TENM4: variants seen among roughly 807,000 people sequenced by gnomAD.
TENM4 encodes teneurin transmembrane protein 4.
Under a neutral mutation model 243.3 loss-of-function variants are expected in TENM4, and 82 were observed. The observed-to-expected ratio is 0.34, with a 90% CI of 0.28 to 0.40. The LOEUF (loss-of-function observed/expected upper bound fraction) is 0.40. TENM4 is among the 10% of genes least tolerant of loss of function. The probability of loss-of-function intolerance (pLI) is 1.00; values close to 1 mark genes in which losing one functional copy is unlikely to be tolerated. For synonymous variants in TENM4, 1,412 were observed against 1,456.3 expected (o/e 0.97, Z 0.69); for missense variants, 3,138 against 3,673.3 (o/e 0.85, Z 3.77).
chr11:79,186,982 T>A (rs2135152734), intron 3 of TENM4, among the ~76,000 whole-genome samples: 1 of 152,314 alleles, frequency 6.6e-6, no homozygotes, highest in East Asian at 1.9e-4. Context: ...AAAGGTTTTG[T>A]TAAGAAACTC....
At chr11:78,751,206 T>C (rs1856184099) in intron 19 of TENM4, among the ~76,000 whole-genome samples, 1 of 152,198 alleles carries the variant, frequency 6.6e-6, no homozygotes, top group African/African-American at 2.4e-5. Context: ...CTCTGCTCTG[T>C]CCCTCGCTAA....
At chr11:79,356,258 C>A (rs1857495237) in intron 1 of TENM4, among the ~76,000 whole-genome samples, 1 of 152,220 alleles carries the variant, frequency 6.6e-6, no homozygotes, top group Admixed American at 6.5e-5. Flanking sequence ...AGCCCTGGAT[C>A]AAGTCCCCCC....
chr11:78,995,237 C>T (rs1858143237), intron 6 of TENM4, among the ~76,000 whole-genome samples: 1 of 152,158 alleles, frequency 6.6e-6, no homozygotes, highest in Admixed American at 6.5e-5. Flanking sequence ...CTGTAAGCAT[C>T]TCAGTGTGAT....
At chr11:79,069,535 A>G (rs1336689138) in intron 5 of TENM4, among the ~76,000 whole-genome samples, 187 bp downstream of exon 5, 3 of 152,276 alleles carry the variant, frequency 2.0e-5, no homozygotes, top group Middle Eastern at 3.4e-3. Context: ...CTAAGAATGA[A>G]CTACAGGGCA....
In TENM4 at chr11:78,672,305, G is replaced by A; in HGVS notation, c.5521C>T (p.Leu1841=). 6.2e-7 allele frequency: 1 copy of A among 1,609,214 alleles called. No homozygotes were observed. Among genetic ancestry groups the A allele is most frequent in the South Asian group, 1.1e-5 (1 of 90,990 alleles). ...GTGCGTGTTACGCGATCAAAGTCCA[G>A]AGATAGGAGATTTCGGTTGTGAACC... ...LRVHNRNLLS[L]DFDRVTRTEK... is the part of the protein sequence containing the mutation. The change falls in exon 31 of 34, where the codon CTG becomes TTG. Residue 1841 remains leucine (L), a synonymous_variant. Transcript: ENST00000278550.
rs1006180613 is a variant in TENM4 at position 79,034,589 on chromosome 11, A to ATT, written c.493+30147_493+30148dup. Among the ~76,000 whole-genome samples the ATT allele has an allele frequency of 5.8e-3, 886 of 151,926 alleles. 11 individuals carry two copies. The highest frequency in any genetic ancestry group is 0.02 in the African/African-American group (808 of 41,402). On this transcript the variant is annotated intron_variant, in intron 6 of 33. Coordinates refer to ENST00000278550, the MANE Select transcript of TENM4 (RefSeq NM_001098816.3). ...TATTGTGGAAGTTTAATTAAAAAAA[A>ATT]TTTTTTTTTAAATTAGGTATCTATG...
rs868342151 is a variant in TENM4 at position 79,139,132 on chromosome 11, T to C, written c.-66+9578A>G. Among the ~76,000 whole-genome samples the C allele has an allele frequency of 4.2e-4, 28 of 66,460 alleles. No individual in the cohort carries two copies. In the South Asian group the frequency reaches 0.02, roughly 47 times the overall value. The allele number at this position is 66,460 out of a possible 152,430, so 43.6% of individuals were successfully genotyped here. On this transcript the variant is annotated intron_variant, in intron 4 of 33. Coordinates refer to ENST00000278550, the MANE Select transcript of TENM4 (RefSeq NM_001098816.3). ...ATATTATATTTCTATAAATATATAT[T>C]ATATTTCTATAAATATATAAAATAT...
rs553207995 is a variant in TENM4 at position 78,948,672 on chromosome 11, C to G, written c.494-45149G>C. 9.2e-5 allele frequency among the ~76,000 whole-genome samples: 14 copies of G among 152,286 alleles called. No homozygotes were observed. The East Asian group carries it at 2.3e-3, about 25-fold the overall frequency. On this transcript the variant is annotated intron_variant, in intron 6 of 33. Coordinates refer to ENST00000278550, the MANE Select transcript of TENM4 (RefSeq NM_001098816.3). ...AGGCGTGAGCCACTGCGCCCGGCCC[C>G]CAACTGTCTTTTTTATAGCATTTAG...
chr11:79,069,896 C>T lies in TENM4; in HGVS notation c.49G>A (p.Asp17Asn). ...GAGCTGGTGTAGCGGCGCTCGGCGT[C>T]GCGGCGCCGGGTCAGCGAGCGGTAA... The part of the protein sequence containing the change: ...KPYRSLTRRR[D>N]AERRYTSSSA... The change falls in exon 5 of 34, where the codon GAC (aspartate) becomes AAC (asparagine). Residue 17 changes from aspartate (D) to asparagine (N), a missense_variant. This residue lies in a region of TENM4 where 671 missense variants were observed against 614.1 expected (regional missense o/e 1.09). Transcript: ENST00000278550. The T allele has an allele frequency of 1.9e-6, 3 of 1,548,310 alleles. No individual in the cohort carries two copies. The highest frequency in any genetic ancestry group is 2.6e-6 in the Non-Finnish European group (3 of 1,146,718).
intron 3 of TENM4, among the ~76,000 whole-genome samples, chr11:79,201,688 G>A (rs996763867): frequency 1.3e-5 from 2 of 151,974 alleles, no homozygotes; most frequent in Non-Finnish European, 2.9e-5. Flanking sequence ...ATATAGTCCC[G>A]TGCAGTAACA....
chr11:78,823,146 C>T (rs1857772155), intron 12 of TENM4, among the ~76,000 whole-genome samples: 1 of 152,204 alleles, frequency 6.6e-6, no homozygotes, highest in South Asian at 2.1e-4. Context: ...AGCCAAGTGC[C>T]GCGCTCTTCA....
chr11:79,377,386 T>C (rs1346206376), intron 1 of TENM4, among the ~76,000 whole-genome samples: 2 of 152,182 alleles, frequency 1.3e-5, no homozygotes, highest in Non-Finnish European at 2.9e-5. Context: ...ACACCCAGCA[T>C]GTCATCCCAG....
chr11:79,024,095 T>C (rs1373399043), intron 6 of TENM4, among the ~76,000 whole-genome samples: 3 of 151,522 alleles, frequency 2.0e-5, no homozygotes, highest in African/African-American at 7.3e-5. Context: ...AATAGAGATA[T>C]CCTTCCCATC....
At chr11:78,971,808 AG>A (rs1318184358) in intron 6 of TENM4, among the ~76,000 whole-genome samples, 2 of 152,210 alleles carry the variant, frequency 1.3e-5, no homozygotes, top group African/African-American at 4.8e-5. Context: ...AATGTTAAAA[AG>A]GAAAAACATC....
intron 1 of TENM4, among the ~76,000 whole-genome samples, chr11:79,345,582 G>C (rs900559077): frequency 3.9e-5 from 6 of 152,144 alleles, no homozygotes; most frequent in Admixed American, 3.9e-4. Context: ...TACGGAAAAA[G>C]CACACTCTTC....
intron 2 of TENM4, among the ~76,000 whole-genome samples, chr11:79,263,415 A>G (rs1407345388): frequency 1.3e-5 from 2 of 152,266 alleles, no homozygotes; most frequent in African/African-American, 2.4e-5. Flanking sequence ...GTCATTATGT[A>G]CAGCACAAAA....
intron 4 of TENM4, among the ~76,000 whole-genome samples, chr11:79,135,805 G>GAT (rs1307119584): frequency 2.1e-5 from 3 of 140,994 alleles, no homozygotes; most frequent in African/African-American, 8.6e-5. Context: ...ATATATGTAT[G>GAT]ATATATATAT....
intron 4 of TENM4, among the ~76,000 whole-genome samples, chr11:79,075,627 A>G (rs552716588): frequency 1.3e-5 from 2 of 152,326 alleles, no homozygotes; most frequent in South Asian, 2.1e-4. Context: ...TATATAACTA[A>G]GGACCAAACT....
At chr11:79,396,656 G>C (rs536848316) in intron 1 of TENM4, among the ~76,000 whole-genome samples, 34 of 152,310 alleles carry the variant, frequency 2.2e-4, no homozygotes, top group African/African-American at 6.3e-4. Context: ...GCATAATAGC[G>C]CTCCAGCGGC....
Sources: allele counts gnomAD v4.1 joint callset (sites outside exome capture counted in the v4.1 genomes callset), GRCh38; gene constraint gnomAD v4.1.1; regional missense constraint gnomAD v4.1.1; transcripts MANE v1.5; gene names NCBI Gene and HGNC (gene_info 2026-07-23, HGNC 2026-07-21).